Variants in STON1 observed in about 807,000 individuals in gnomAD.
The protein encoded by STON1 is stonin-1.
In STON1, 79 loss-of-function variants were observed where a neutral mutation model predicts 60.9. The observed-to-expected ratio is 1.30, with a 90% CI of 1.08 to 1.56. The LOEUF is 1.56. STON1 is among the 40% of genes most tolerant of loss of function. The pLI is 0.00. For missense variants in STON1, 1,166 were observed against 858.9 expected (o/e 1.36, Z -4.47); for synonymous variants, 363 against 306.9 (o/e 1.18, Z -1.91).
At chr2:48,544,899 C>T (rs1671804029) in intron 1 of STON1, among the ~76,000 whole-genome samples, 1 of 152,196 alleles carries the variant, frequency 6.6e-6, no homozygotes, top group Admixed American at 6.6e-5. Flanking sequence ...TTAATGTTAA[C>T]ACGAACGTAG....
Position 48,581,917 on chromosome 2 carries a change from A to T in STON1, c.1284A>T (p.Thr428=). 3 of 1,614,126 alleles carry T rather than the reference A, an allele frequency of 1.9e-6. No individual in the cohort carries two copies. The highest frequency in any genetic ancestry group is 1.7e-6 in the Non-Finnish European group (2 of 1,180,016). The change falls in exon 2 of 4, where the codon ACA becomes ACT. Residue 428 remains threonine (T), a synonymous_variant. Transcript: ENST00000404752. ...EIVDNFWGKV[T]KEGKFVESAV... ...TGGACAACTTTTGGGGTAAAGTCACAAAAGAAGGAAAATTTGTTGAAAGTG... is the reference window on the plus strand; with the variant it reads ...TGGACAACTTTTGGGGTAAAGTCACTAAAGAAGGAAAATTTGTTGAAAGTG...
chr2:48,566,012 A>C (rs184233501), intron 1 of STON1, among the ~76,000 whole-genome samples: 295 of 152,338 alleles, frequency 1.9e-3, no homozygotes, highest in African/African-American at 6.6e-3. Context: ...GGGACTAGCC[A>C]GTTTGGGTTG....
intron 1 of STON1, among the ~76,000 whole-genome samples, chr2:48,532,291 G>C (rs1245331737): frequency 6.6e-6 from 1 of 151,976 alleles, no homozygotes; most frequent in South Asian, 2.1e-4. Context: ...GGAGGTTGCA[G>C]TGAGCCGAGA....
At chr2:48,570,901 C>T (rs1377034570) in intron 1 of STON1, among the ~76,000 whole-genome samples, 2 of 125,678 alleles carry the variant, frequency 1.6e-5, no homozygotes, top group Non-Finnish European at 3.1e-5. Context: ...CTTGCACTAT[C>T]CCCCAGGCTG....
intron 1 of STON1, among the ~76,000 whole-genome samples, chr2:48,545,967 C>T (rs983805893): frequency 2.6e-5 from 4 of 152,164 alleles, no homozygotes; most frequent in Non-Finnish European, 4.4e-5. Flanking sequence ...GGGAAATTTC[C>T]CCATGCTGTG....
At position 48,581,984 on chromosome 2, in the gene STON1, A is replaced by G. The variant is rs1395222968; in HGVS notation, c.1351A>G (p.Asn451Asp). The G allele has an allele frequency of 6.2e-7, 1 of 1,614,198 alleles. No homozygotes were observed. Among genetic ancestry groups the G allele is most frequent in the East Asian group, 2.2e-5 (1 of 44,878 alleles). The change falls in exon 2 of 4, where the codon AAC becomes GAC. Residue 451 changes from asparagine to aspartate, a missense_variant. Physicochemically the swap from Asn to Asp is conservative, Grantham distance 23 (BLOSUM62 1). Coordinates refer to ENST00000404752, the MANE Select transcript of STON1 (RefSeq NM_006873.4). ...QIYCLCFVNG[N>D]LECFLTLNDL... ...TTATTGCCTCTGCTTTGTGAATGGG[A>G]ACCTGGAATGCTTTTTAACCTTGAA...
intron 1 of STON1, among the ~76,000 whole-genome samples, chr2:48,566,406 C>T (rs896828002): frequency 3.3e-5 from 5 of 152,104 alleles, no homozygotes; most frequent in African/African-American, 4.8e-5. Context: ...GATCTTCTGA[C>T]GTCAGGTGAT....
At chr2:48,569,158 G>C (rs907518674) in intron 1 of STON1, 1 of 152,184 alleles carries the variant, frequency 6.6e-6, no homozygotes, top group Non-Finnish European at 1.5e-5. Context: ...TCATGAGTTT[G>C]TGAGTATTAA....
intron 1 of STON1, among the ~76,000 whole-genome samples, chr2:48,575,673 A>C (rs1433992433): frequency 6.6e-6 from 1 of 151,740 alleles, no homozygotes; most frequent in Non-Finnish European, 1.5e-5. Context: ...TAAATAAATA[A>C]ATAAATAAAT....
rs1346105862 is a variant in STON1 at position 48,591,716 on chromosome 2, C to A, written c.1994C>A (p.Ser665Tyr). The change falls in exon 3 of 4, where the codon TCT (serine) becomes TAT (tyrosine). Residue 665 changes from serine to tyrosine, a missense_variant. Coordinates refer to ENST00000404752, the MANE Select transcript of STON1 (RefSeq NM_006873.4). ...CTTGGATCAGACCAAGAAATTCCCT[C>A]TGATTGGTATCCATTTGCTACTGTT... ...LELGSDQEIP[S>Y]DWYPFATVQF... is the part of the protein sequence containing the mutation. The A allele has an allele frequency of 6.2e-7, 1 of 1,614,026 alleles. No homozygotes were observed. The highest frequency in any genetic ancestry group is 8.5e-7 in the Non-Finnish European group (1 of 1,180,024).
chr2:48,591,933 G>C, intron 3 of STON1, 78 bp downstream of exon 3: 1 of 1,524,450 alleles, frequency 6.6e-7, no homozygotes, highest in Non-Finnish European at 8.8e-7. Context: ...GATCGTGTAT[G>C]TGTTGTGTGT....
intron 1 of STON1, among the ~76,000 whole-genome samples, chr2:48,564,483 C>CTTCTTTT: frequency 3.8e-5 from 1 of 26,406 alleles, no homozygotes; most frequent in Non-Finnish European, 7.9e-5. Context: ...CTTCTTCTTT[C>CTTCTTTT]TTCTTCTTCT....
chr2:48,565,969 A>G (rs1672924771), intron 1 of STON1, among the ~76,000 whole-genome samples: 1 of 152,138 alleles, frequency 6.6e-6, no homozygotes, highest in Non-Finnish European at 1.5e-5. Context: ...CCAACTCCAA[A>G]TCTTCTCTTT....
rs1011435292 is a variant in STON1, at chr2:48,596,452, G to T, written c.*1150G>T. ...TTCCTTTCAGCATTTACAGTGAAAA[G>T]TGAGAATTTTAAAATTTATGAAATC... On this transcript the variant is annotated 3_prime_UTR_variant, in exon 4 of 4. Coordinates refer to ENST00000404752, the MANE Select transcript of STON1 (RefSeq NM_006873.4). 1 of 152,128 alleles carries T rather than the reference G, an allele frequency of 6.6e-6. No individual in the cohort carries two copies. The highest frequency in any genetic ancestry group is 6.6e-5 in the Admixed American group (1 of 15,256). 9.4% of individuals were successfully genotyped at this position (152,128 alleles called of 1,614,324 possible).
intron 2 of STON1, among the ~76,000 whole-genome samples, chr2:48,589,959 G>T (rs543616229): frequency 6.6e-6 from 1 of 152,286 alleles, no homozygotes; most frequent in East Asian, 1.9e-4. Context: ...GCCCTTATAA[G>T]GTTCAGGTTA....
At chr2:48,565,867 A>G (rs1302601082) in intron 1 of STON1, among the ~76,000 whole-genome samples, 2 of 152,236 alleles carry the variant, frequency 1.3e-5, no homozygotes, top group African/African-American at 2.4e-5. Flanking sequence ...GCAAATTTCT[A>G]TAGCATCTAT....
intron 1 of STON1, among the ~76,000 whole-genome samples, chr2:48,548,778 G>A (rs1671968458): frequency 6.6e-6 from 1 of 152,284 alleles, no homozygotes; most frequent in South Asian, 2.1e-4. Flanking sequence ...GGGATTACAG[G>A]CGTGAGCCAC....
chr2:48,537,527 G>T (rs552693679), intron 1 of STON1, among the ~76,000 whole-genome samples: 1 of 152,254 alleles, frequency 6.6e-6, no homozygotes, highest in African/African-American at 2.4e-5. Context: ...ATGTTCATAA[G>T]TGAAGTTGTT....
At chr2:48,568,985 G>C (rs1384245126) in intron 1 of STON1, 1 of 152,440 alleles carries the variant, frequency 6.6e-6, no homozygotes, top group Non-Finnish European at 1.5e-5. Flanking sequence ...CCTGACACCA[G>C]CAAGGCATTG....
Sources: allele counts gnomAD v4.1 joint callset (sites outside exome capture counted in the v4.1 genomes callset), GRCh38; gene constraint gnomAD v4.1.1; transcripts MANE v1.5; gene names NCBI Gene and HGNC (gene_info 2026-07-23, HGNC 2026-07-21).